HEATR4: variants seen among roughly 807,000 people sequenced by gnomAD.
HEATR4 encodes the protein HEAT repeat containing 4.
Under a neutral mutation model 108.8 loss-of-function variants are expected in HEATR4, and 95 were observed. The observed-to-expected ratio is 0.87, with a 90% confidence interval of 0.74 to 1.04. The LOEUF (loss-of-function observed/expected upper bound fraction) is 1.04, where lower values mean the gene tolerates loss of function less well. HEATR4 is among the 50% of genes least tolerant of loss of function. The probability of loss-of-function intolerance (pLI) is 0.00; values close to 1 mark genes in which losing one functional copy is unlikely to be tolerated. For synonymous variants in HEATR4, 443 were observed against 459.4 expected, an observed-to-expected ratio of 0.96 and a Z score of 0.46; for missense variants, 1,152 against 1,253.8, an observed-to-expected ratio of 0.92 and a Z score of 1.23.
chr14:73,612,146 A>G, the HEATR4 span, among the ~76,000 whole-genome samples: 1 of 151,770 alleles, frequency 6.6e-6, no homozygotes. Context: ...GGTTCAAGCA[A>G]TTCTTCTGCC....
the HEATR4 span, among the ~76,000 whole-genome samples, chr14:73,587,219 G>A: frequency 2.6e-5 from 4 of 151,866 alleles, no homozygotes; most frequent in Non-Finnish European, 5.9e-5. Flanking sequence ...CTCTGCATTA[G>A]CTTCGGGGTG....
intron 1 of HEATR4, among the ~76,000 whole-genome samples, chr14:73,551,189 C>T (rs1889316941): frequency 8.8e-6 from 1 of 113,346 alleles, no homozygotes; most frequent in Non-Finnish European, 1.9e-5. Flanking sequence ...AATGCAGTTT[C>T]CACCTCCTGA....
intron 16 of HEATR4, among the ~76,000 whole-genome samples, chr14:73,493,615 A>G (rs962616237): frequency 6.6e-6 from 1 of 152,136 alleles, no homozygotes; most frequent in African/African-American, 2.4e-5. Context: ...AGGCGGGTGG[A>G]TCACCTGAGG....
At chr14:73,528,746 A>C (rs1305221373) in intron 2 of HEATR4, among the ~76,000 whole-genome samples, 1 of 152,184 alleles carries the variant, frequency 6.6e-6, no homozygotes, top group African/African-American at 2.4e-5. Context: ...AAACTAAAAT[A>C]TATGTGTGAG....
chr14:73,614,746 C>CAAA, the HEATR4 span, among the ~76,000 whole-genome samples: 380 of 113,012 alleles, frequency 3.4e-3, 2 homozygotes, highest in African/African-American at 9.4e-3. Flanking sequence ...GACCCTGTCT[C>CAAA]AAAAAAAAAA....
At position 73,500,679 on chromosome 14, in the gene HEATR4, CAGGT is replaced by C; in HGVS notation, c.2153_2156del (p.Tyr718Ter). 1 of 1,614,172 alleles carries C rather than the reference CAGGT, an allele frequency of 6.2e-7. No individual in the cohort carries two copies. Among genetic ancestry groups the C allele is most frequent in the Non-Finnish European group, 8.5e-7 (1 of 1,180,008 alleles). On this transcript the variant is annotated frameshift_variant, in exon 12 of 18. Transcript: ENST00000553558. LOFTEE classifies it high-confidence loss of function. Reference sequence around the variant, plus strand: ...CGGTCATAAGCTTGAGCTCACCTATCAGGTAGAGAGCTTCCACACGCTCCTGGGA... The same window carrying C: ...CGGTCATAAGCTTGAGCTCACCTATCAGAGAGCTTCCACACGCTCCTGGGA...
chr14:73,483,691 T>G (rs547847760), intron 17 of HEATR4, among the ~76,000 whole-genome samples: 1 of 152,322 alleles, frequency 6.6e-6, no homozygotes, highest in East Asian at 1.9e-4. Context: ...ACATATTTTA[T>G]TTTTAAAATG....
In HEATR4 at chr14:73,518,902, A is replaced by G. The variant is rs565321553; in HGVS notation, c.1210+121T>C. Reference sequence around the variant, plus strand: ...TTAGTACGTAGAAAGGGGATTGCCTAGATGCTAATGGTGCTTCAGCCCATG... The same window carrying G: ...TTAGTACGTAGAAAGGGGATTGCCTGGATGCTAATGGTGCTTCAGCCCATG... On this transcript the variant is annotated intron_variant, in intron 5 of 17. Transcript: ENST00000553558. 1,657 of 905,900 alleles carry G rather than the reference A, an allele frequency of 1.8e-3. 6 individuals carry two copies. Among genetic ancestry groups the G allele is most frequent in the South Asian group, 5.5e-3 (289 of 52,666 alleles). 56.1% of individuals were successfully genotyped at this position (905,900 alleles called of 1,614,324 possible).
upstream of HEATR4, among the ~76,000 whole-genome samples, chr14:73,561,383 AAAAAAG>A (rs1889529897): frequency 6.6e-6 from 1 of 150,396 alleles, no homozygotes; most frequent in Non-Finnish European, 1.5e-5. Context: ...AAGAAAGAAA[AAAAAAG>A]AAAAAGGAAT....
At position 73,503,640 on chromosome 14, in the gene HEATR4, T is replaced by A. The variant is rs570741988; in HGVS notation, c.1987-627A>T. Among the ~76,000 whole-genome samples, 757 of 149,906 alleles carry A rather than the reference T, an allele frequency of 5.0e-3. 11 individuals are homozygous for A. Among genetic ancestry groups the A allele is most frequent in the African/African-American group, 0.017 (723 of 41,502 alleles). ...TCCTTCCTATCTCTTTTATTAAAAA[T>A]TTTAAAAAATAAAATAAAAACATCT... is the stretch of plus-strand genomic sequence containing the variant. On this transcript the variant is annotated intron_variant, in intron 10 of 17. Transcript: ENST00000553558.
the HEATR4 span, among the ~76,000 whole-genome samples, chr14:73,618,713 C>G: frequency 6.6e-6 from 1 of 152,126 alleles, no homozygotes; most frequent in Admixed American, 6.6e-5. Context: ...TGTGTATACT[C>G]CTGACCCAGT....
At chr14:73,582,617 A>AC in the HEATR4 span, 3 of 151,986 alleles carry the variant, frequency 2.0e-5, no homozygotes, top group Admixed American at 1.3e-4. Flanking sequence ...ATAGTAGAAG[A>AC]CAGCCCTACA....
chr14:73,562,411 AT>A (rs1341170059), upstream of HEATR4, among the ~76,000 whole-genome samples: 1 of 152,094 alleles, frequency 6.6e-6, no homozygotes, highest in Non-Finnish European at 1.5e-5. Flanking sequence ...GTACAAATTG[AT>A]TGTAAAACAT....
At chr14:73,493,832 C>T (rs1489127376) in intron 16 of HEATR4, among the ~76,000 whole-genome samples, 1 of 152,070 alleles carries the variant, frequency 6.6e-6, no homozygotes, top group Non-Finnish European at 1.5e-5. Context: ...AGCGAGACTC[C>T]GTCTCAAAAA....
chr14:73,592,119 GC>G, the HEATR4 span: 2 of 1,549,758 alleles, frequency 1.3e-6, no homozygotes, highest in South Asian at 1.2e-5. Context: ...GCGCTACTGC[GC>G]CGACGCCCGC....
the HEATR4 span, chr14:73,592,225 C>G: frequency 3.4e-4 from 553 of 1,613,086 alleles, 1 homozygote; most frequent in Non-Finnish European, 3.7e-4. Context: ...CCCGAGAAGC[C>G]TTTTTGGCGC....
chr14:73,626,112 T>C, the HEATR4 span, among the ~76,000 whole-genome samples: 5 of 152,214 alleles, frequency 3.3e-5, no homozygotes, highest in Non-Finnish European at 7.3e-5. Context: ...GAGAAAGTTT[T>C]AGTGGTCTGG....
the HEATR4 span, chr14:73,569,909 G>T: frequency 0.19 from 298,672 of 1,590,758 alleles, 34,641 homozygotes; most frequent in Non-Finnish European, 0.22. Flanking sequence ...TAATTGTTCC[G>T]TGTTCGTTCG....
intron 17 of HEATR4, among the ~76,000 whole-genome samples, chr14:73,479,048 C>G (rs1885133898): frequency 1.3e-5 from 2 of 152,222 alleles, no homozygotes; most frequent in African/African-American, 2.4e-5. Flanking sequence ...AAGTGATTCT[C>G]TTGCCTCAGC....
Sources: gnomAD v4.1 joint callset for allele counts (sites outside exome capture counted in the v4.1 genomes callset) on GRCh38, gnomAD v4.1.1 for gene constraint, MANE v1.5 for transcripts, NCBI Gene and HGNC (gene_info 2026-07-23, HGNC 2026-07-21) for gene names.